TRPV6: variants seen among roughly 807,000 people sequenced by gnomAD.
The protein encoded by TRPV6 is transient receptor potential cation channel subfamily V member 6.
Under a neutral mutation model 79.0 loss-of-function variants are expected in TRPV6, and 39 were observed. The ratio of observed to expected loss-of-function variants is 0.49; its 90% CI spans 0.38 to 0.64. The LOEUF is 0.64. Among genes scored for constraint, TRPV6 ranks in the 30% least tolerant of loss-of-function variants. The pLI is 0.00. For missense variants in TRPV6, 813 were observed against 1,011.1 expected, an observed-to-expected ratio of 0.80 and a Z score of 2.66; for synonymous variants, 373 against 391.9, an observed-to-expected ratio of 0.95 and a Z score of 0.57.
intron 1 of TRPV6, chr7:142,883,130 A>G (rs530809782): frequency 7.2e-5 from 11 of 152,318 alleles, no homozygotes; most frequent in Non-Finnish European, 1.3e-4. Context: ...TTCTGCAGAA[A>G]GGTGGAGTGC....
Position 142,871,442 on chromosome 7 carries a change from G to A in TRPV6, c.*265C>T. The A allele has an allele frequency of 2.0e-6, 1 of 505,196 alleles. No homozygotes were observed. Among genetic ancestry groups the A allele is most frequent in the Non-Finnish European group, 3.5e-6 (1 of 283,578 alleles). The allele number at this position is 505,196 out of a possible 1,614,324, so 31.3% of individuals were successfully genotyped here. On this transcript the variant is annotated 3_prime_UTR_variant, in exon 15 of 15. Transcript: ENST00000359396. ...AAGTGCTCTGACATGCAGTGCTCCT[G>A]TCGGAAGGGTGATGAGCAGGCCACA... is the stretch of plus-strand genomic sequence containing the variant.
At chr7:142,882,547 A>G (rs966663661) in intron 1 of TRPV6, 1 of 152,096 alleles carries the variant, frequency 6.6e-6, no homozygotes, top group Non-Finnish European at 1.5e-5. Context: ...AAGAGCGGTA[A>G]TGTGTGGGGC....
chr7:142,875,120 C>T lies in TRPV6; in HGVS notation c.1287G>A (p.Glu429=). 1 of 1,614,160 alleles carries T rather than the reference C, an allele frequency of 6.2e-7. No individual in the cohort carries two copies. The highest frequency in any genetic ancestry group is 8.5e-7 in the Non-Finnish European group (1 of 1,180,024). The stretch of plus-strand genomic sequence containing the variant: ...TGATAGCCCCAATGACAGTCACCAG[C>T]TCCCCGACCAGCCGGATATCGTCCT... The change falls in exon 9 of 15, where the codon GAG becomes GAA. Residue 429 remains glutamate, a synonymous_variant. Transcript: ENST00000359396.
chr7:142,879,414 C>T (rs1334309616), intron 1 of TRPV6: 5 of 152,194 alleles, frequency 3.3e-5, no homozygotes, highest in Non-Finnish European at 7.3e-5. Flanking sequence ...ACACATGGGT[C>T]CCTTTGATTC....
chr7:142,876,899 T>C, intron 4 of TRPV6, 62 bp from the exon 5 acceptor site: 1 of 1,586,752 alleles, frequency 6.3e-7, no homozygotes, highest in South Asian at 1.1e-5. Context: ...GTGGACAGTC[T>C]CCCCCAAGTG....
rs1220392455 is a variant in TRPV6, at chr7:142,871,615, G to A, written c.*92C>T. 1 of 1,460,750 alleles carries A rather than the reference G, an allele frequency of 6.8e-7. No individual in the cohort carries two copies. Among genetic ancestry groups the A allele is most frequent in the Non-Finnish European group, 9.2e-7 (1 of 1,082,062 alleles). The allele number at this position is 1,460,750 out of a possible 1,614,324, so 90.5% of individuals were successfully genotyped here. The stretch of plus-strand genomic sequence containing the variant: ...CTCCTCTTTCTCCCCTGGGGCCTGG[G>A]AGATGAGACCTCTGGGTGTTTGGTT... On this transcript the variant is annotated 3_prime_UTR_variant, in exon 15 of 15. Transcript: ENST00000359396.
chr7:142,874,223 C>T (rs1187180662), intron 11 of TRPV6, 81 bp from the exon 12 acceptor site: 23 of 1,474,208 alleles, frequency 1.6e-5, no homozygotes, highest in African/African-American at 8.4e-5. Flanking sequence ...GGTCTCACCC[C>T]GACAAGTCTC....
In TRPV6 at chr7:142,871,518, G is replaced by T; in HGVS notation, c.*189C>A. 1.4e-6 allele frequency: 1 copy of T among 722,314 alleles called. No homozygotes were observed. The highest frequency in any genetic ancestry group is 2.2e-6 in the Non-Finnish European group (1 of 457,940). 44.7% of individuals were successfully genotyped at this position (722,314 alleles called of 1,614,324 possible). A position where few individuals can be genotyped will look rare whatever the true frequency, so the allele number is the denominator to read the frequency against. On this transcript the variant is annotated 3_prime_UTR_variant, in exon 15 of 15. Coordinates refer to ENST00000359396, the MANE Select transcript of TRPV6 (RefSeq NM_018646.6). ...CCCGTGCTTGGGCTGGGCTTCCTCT[G>T]CCCCAGAGCTGAAGGAGTAATGCAG... is the stretch of plus-strand genomic sequence containing the variant.
At position 142,876,485 on chromosome 7, in the gene TRPV6, G is replaced by C; in HGVS notation, c.805C>G (p.Leu269Val). The C allele has an allele frequency of 1.9e-6, 3 of 1,614,198 alleles. No homozygotes were observed. Among genetic ancestry groups the C allele is most frequent in the Non-Finnish European group, 2.5e-6 (3 of 1,180,026 alleles). The change falls in exon 6 of 15, where the codon CTG becomes GTG. Residue 269 changes from leucine to valine, a missense_variant. Physicochemically the swap from Leu to Val is conservative, Grantham distance 32 (BLOSUM62 1). Transcript: ENST00000359396. ...TTGGGCACGAGGTCCAGGGGCTGCA[G>C]GTGGTCCCCATGTCTGTCGTAGGAC...
intron 1 of TRPV6, chr7:142,878,270 C>T: frequency 3.6e-6 from 2 of 562,536 alleles, no homozygotes; most frequent in South Asian, 4.2e-5. Flanking sequence ...TCCTTCCCCC[C>T]TACCGGGTCC....
intron 6 of TRPV6, 58 bp downstream of exon 6, chr7:142,876,350 A>G: frequency 6.4e-7 from 1 of 1,565,866 alleles, no homozygotes; most frequent in Non-Finnish European, 8.7e-7. Context: ...TCCCAGGGCC[A>G]GCGGGATAGG....
At chr7:142,876,132 G>A (rs1452073011) in intron 6 of TRPV6, 2 of 665,692 alleles carry the variant, frequency 3.0e-6, no homozygotes, top group East Asian at 2.7e-5. Flanking sequence ...ACGAGAGGCT[G>A]GAGGGCCCTG....
At chr7:142,881,629 T>A (rs1273112175) in intron 1 of TRPV6, 1 of 152,244 alleles carries the variant, frequency 6.6e-6, no homozygotes, top group Non-Finnish European at 1.5e-5. Context: ...TTTCTTTTAC[T>A]AGGCAATTAA....
Position 142,871,797 on chromosome 7 carries a change from T to G in TRPV6, c.2208A>C (p.Glu736Asp), listed in dbSNP as rs757248007. The change falls in exon 15 of 15, where the codon GAA (glutamate) becomes GAC (aspartate). Residue 736 changes from glutamate (E) to aspartate (D), a missense_variant. By Grantham distance (45) the Glu-to-Asp change is conservative (BLOSUM62 2). This residue lies in a region of TRPV6 where 164 missense variants were observed against 186.1 expected (regional missense o/e 0.88). Coordinates refer to ENST00000359396, the MANE Select transcript of TRPV6 (RefSeq NM_018646.6). ...TCCTCAGGGTCCCTTGCCGAAGCCT[T>G]TCCCAATTGGCACTGCTGCGGGAGG... The G allele has an allele frequency of 6.2e-7, 1 of 1,614,196 alleles. No individual in the cohort carries two copies. Among genetic ancestry groups the G allele is most frequent in the South Asian group, 1.1e-5 (1 of 91,088 alleles).
chr7:142,879,639 C>G (rs4987636), intron 1 of TRPV6: 29,618 of 152,136 alleles, frequency 0.19, 5,917 homozygotes, highest in African/African-American at 0.51. Flanking sequence ...TCTGCCTTGC[C>G]CCCATGCACA....
intron 1 of TRPV6, 141 bp downstream of exon 1, chr7:142,885,248 C>T: frequency 1.0e-6 from 1 of 992,084 alleles, no homozygotes; most frequent in Non-Finnish European, 1.4e-6. Flanking sequence ...AGACAGAATG[C>T]TCCCAAGGAG....
rs1434233854 is a variant in TRPV6, at chr7:142,872,391, C to T, written c.1996G>A (p.Gly666Arg). 6.2e-7 allele frequency: 1 copy of T among 1,614,104 alleles called. No individual in the cohort carries two copies. The highest frequency in any genetic ancestry group is 8.5e-7 in the Non-Finnish European group (1 of 1,180,048). ...ACTCACCGCAGGAACCAGCGGTCTC[C>T]CAGGCCATACTCCCGTCCGCAGATC... The change falls in exon 14 of 15, where the codon GGA (glycine) becomes AGA (arginine). Residue 666 changes from glycine (G) to arginine (R), a missense_variant. Physicochemically the swap from Gly to Arg is moderately radical, Grantham distance 125. Coordinates refer to ENST00000359396, the MANE Select transcript of TRPV6 (RefSeq NM_018646.6).
Position 142,876,274 on chromosome 7 carries a change from G to T in TRPV6, c.882+134C>A, listed in dbSNP as rs959584627. On this transcript the variant is annotated intron_variant, in intron 6 of 14. Coordinates refer to ENST00000359396, the MANE Select transcript of TRPV6 (RefSeq NM_018646.6). ...AAGGGAACAGGTAACCACAGTGGGA[G>T]GGGTTGAAAAATTTCTGAGTTGAGA... 14 of 1,321,224 alleles carry T rather than the reference G, an allele frequency of 1.1e-5. No individual in the cohort carries two copies. The Middle Eastern group carries it at 1.1e-3, about 101-fold the overall frequency. The allele number at this position is 1,321,224 out of a possible 1,614,324, so 81.8% of individuals were successfully genotyped here.
chr7:142,878,256 G>A, intron 1 of TRPV6: 1 of 586,100 alleles, frequency 1.7e-6, no homozygotes, highest in Non-Finnish European at 3.0e-6. Context: ...GTCCGTGACT[G>A]GTTTCCTTCC....
Sources: gnomAD v4.1 joint callset for allele counts on GRCh38, gnomAD v4.1.1 for gene constraint, gnomAD v4.1.1 regional missense constraint, MANE v1.5 for transcripts, NCBI Gene and HGNC (gene_info 2026-07-23, HGNC 2026-07-21) for gene names.